The following FGD4 variants were observed in gnomAD, a reference collection of about 807,000 sequenced individuals.
FGD4 encodes FYVE, RhoGEF and PH domain-containing protein 4.
FGD4 carries 42 observed loss-of-function variants against 102.0 expected under a neutral mutation model. The observed-to-expected ratio is 0.41, with a 90% CI of 0.32 to 0.53. FGD4 has a LOEUF of 0.53. FGD4 is among the 20% of genes least tolerant of loss of function. The pLI is 0.21. For synonymous variants in FGD4, 380 were observed against 375.7 expected (o/e 1.01, Z -0.13); for missense variants, 902 against 1,078.2 (o/e 0.84, Z 2.29).
chr12:32,449,801 A>T (rs1424468128), intron 1 of FGD4, among the ~76,000 whole-genome samples: 6 of 152,140 alleles, frequency 3.9e-5, no homozygotes, highest in African/African-American at 1.4e-4. Context: ...GCAGTGGTGC[A>T]ATCACACCTT....
chr12:32,598,469 A>G (rs755372360), intron 4 of FGD4, 28 bp from the exon 5 acceptor site: 2 of 1,459,904 alleles, frequency 1.4e-6, no homozygotes, highest in South Asian at 2.3e-5. Flanking sequence ...TATCTTTCCT[A>G]ATGTGTGAAT....
chr12:32,432,116 G>C (rs1486459324), intron 1 of FGD4, among the ~76,000 whole-genome samples: 1 of 141,820 alleles, frequency 7.1e-6, no homozygotes, highest in Non-Finnish European at 1.5e-5. Context: ...CTGGAGTGTA[G>C]TGGCCTGATC....
chr12:32,585,461 C>A (rs1304670171), intron 4 of FGD4, among the ~76,000 whole-genome samples: 1 of 151,766 alleles, frequency 6.6e-6, no homozygotes, highest in Admixed American at 6.6e-5. Context: ...TAGACAAGCC[C>A]TATCAACAAA....
intron 1 of FGD4, among the ~76,000 whole-genome samples, chr12:32,497,390 C>T (rs1393243025): frequency 6.6e-6 from 1 of 152,070 alleles, no homozygotes; most frequent in Non-Finnish European, 1.5e-5. Context: ...TAAATTAAAA[C>T]AAAAAGTTTC....
At chr12:32,591,969 A>G (rs1271391105) in intron 4 of FGD4, among the ~76,000 whole-genome samples, 1 of 152,210 alleles carries the variant, frequency 6.6e-6, no homozygotes, top group Non-Finnish European at 1.5e-5. Context: ...TGGTGCTGAT[A>G]GCTTAGATAT....
chr12:32,566,255 A>T (rs779734764), intron 2 of FGD4, among the ~76,000 whole-genome samples: 1 of 152,092 alleles, frequency 6.6e-6, no homozygotes, highest in Admixed American at 6.6e-5. Context: ...CCTCTTTTCA[A>T]TGGCACTAAT....
intron 1 of FGD4, among the ~76,000 whole-genome samples, chr12:32,421,423 A>G (rs1941620729): frequency 6.6e-6 from 1 of 152,084 alleles, no homozygotes; most frequent in African/African-American, 2.4e-5. Flanking sequence ...TTTTCTTGGC[A>G]TCCTTTCTGA....
intron 4 of FGD4, among the ~76,000 whole-genome samples, chr12:32,596,241 A>G (rs1426728706): frequency 6.6e-6 from 1 of 152,236 alleles, no homozygotes; most frequent in African/African-American, 2.4e-5. Context: ...GGCTTTGAAT[A>G]GTTGAAGAAG....
chr12:32,402,309 G>T (rs1284388263), intron 1 of FGD4, among the ~76,000 whole-genome samples: 1 of 151,526 alleles, frequency 6.6e-6, no homozygotes, highest in Non-Finnish European at 1.5e-5. Context: ...GAAGTGGGAG[G>T]ATCGCTTGCG....
intron 1 of FGD4, among the ~76,000 whole-genome samples, chr12:32,420,462 T>G (rs981089102): frequency 1.3e-5 from 2 of 152,194 alleles, no homozygotes; most frequent in Non-Finnish European, 2.9e-5. Context: ...TTTCCTTCTG[T>G]GCTGTCTTGA....
chr12:32,517,496 G>A (rs1285700566), intron 1 of FGD4, among the ~76,000 whole-genome samples: 4 of 152,050 alleles, frequency 2.6e-5, no homozygotes, highest in Non-Finnish European at 2.9e-5. Flanking sequence ...AGAATTTAAT[G>A]TCATCCTTAG....
chr12:32,600,299 C>T, intron 5 of FGD4: 1 of 280,198 alleles, frequency 3.6e-6, no homozygotes, highest in African/African-American at 2.3e-5. Context: ...AGCCAAATAA[C>T]TCGTCAGCCA....
intron 1 of FGD4, among the ~76,000 whole-genome samples, chr12:32,471,571 A>G (rs755583623): frequency 7.2e-5 from 11 of 152,206 alleles, no homozygotes; most frequent in Non-Finnish European, 1.6e-4. Context: ...TGTTTTGGCT[A>G]TTTATTGCAG....
At chr12:32,496,993 T>C (rs1227128506) in intron 1 of FGD4, among the ~76,000 whole-genome samples, 1 of 152,238 alleles carries the variant, frequency 6.6e-6, no homozygotes, top group African/African-American at 2.4e-5. Flanking sequence ...CAAATTTTAA[T>C]TGAAAATATC....
chr12:32,601,509 C>T (rs887031207), intron 6 of FGD4, 86 bp downstream of exon 6: 2 of 1,459,070 alleles, frequency 1.4e-6, no homozygotes, highest in Non-Finnish European at 1.8e-6. Context: ...ATGCCACACA[C>T]AACTGTAACT....
chr12:32,624,421 G>T lies in FGD4; in HGVS notation c.1923-1G>T. 6.3e-7 allele frequency: 1 copy of T among 1,597,574 alleles called. No homozygotes were observed. The highest frequency in any genetic ancestry group is 8.6e-7 in the Non-Finnish European group (1 of 1,166,902). On this transcript the variant is annotated splice_acceptor_variant, in intron 11 of 16. Coordinates refer to ENST00000534526, the MANE Select transcript of FGD4 (RefSeq NM_001370298.3). LOFTEE classifies it high-confidence loss of function. ...TTCACTTTAATTTTGTTTTATTTTAGTTCTGCGCAAGACAAAGAAGAATGG... is the reference window on the plus strand; with the variant it reads ...TTCACTTTAATTTTGTTTTATTTTATTTCTGCGCAAGACAAAGAAGAATGG...
intron 1 of FGD4, among the ~76,000 whole-genome samples, chr12:32,490,610 G>A (rs1857943874): frequency 6.8e-6 from 1 of 147,246 alleles, no homozygotes; most frequent in Non-Finnish European, 1.5e-5. Context: ...TATTGGCCAG[G>A]CTGGTCTTGA....
At chr12:32,572,809 A>T (rs1044429014) in intron 2 of FGD4, among the ~76,000 whole-genome samples, 1 of 152,084 alleles carries the variant, frequency 6.6e-6, no homozygotes, top group Admixed American at 6.6e-5. Context: ...CTAATTTGTG[A>T]TCTTGTATAT....
At chr12:32,473,794 T>A (rs1218944852) in intron 1 of FGD4, among the ~76,000 whole-genome samples, 1 of 152,080 alleles carries the variant, frequency 6.6e-6, no homozygotes, top group Non-Finnish European at 1.5e-5. Context: ...CAAAAAGATA[T>A]TAGGAGCTGT....
Sources: gnomAD v4.1 joint callset for allele counts (sites outside exome capture counted in the v4.1 genomes callset) on GRCh38, gnomAD v4.1.1 for gene constraint, MANE v1.5 for transcripts, NCBI Gene and HGNC (gene_info 2026-07-23, HGNC 2026-07-21) for gene names.